The following SNTG2 variants were observed in gnomAD, a reference collection of about 807,000 sequenced individuals.
The protein encoded by SNTG2 is syntrophin gamma 2, also known as gamma-2-syntrophin.
In SNTG2, 74 loss-of-function variants were observed where a neutral mutation model predicts 70.9. The observed-to-expected ratio is 1.04, with a 90% CI of 0.86 to 1.27. The LOEUF is 1.27. Ranked by LOEUF, SNTG2 falls within the 50% of genes most tolerant of loss-of-function variation. SNTG2 has a pLI of 0.00. For synonymous variants in SNTG2, 278 were observed against 273.8 expected, an observed-to-expected ratio of 1.02 and a Z score of -0.15; for missense variants, 717 against 690.7, an observed-to-expected ratio of 1.04 and a Z score of -0.43.
At chr2:1,031,522 A>ATATATATATATATATATATATT (rs1379364116) in intron 1 of SNTG2, among the ~76,000 whole-genome samples, 1 of 47,768 alleles carries the variant, frequency 2.1e-5, no homozygotes, top group Non-Finnish European at 4.0e-5. Context: ...ATATATATAT[A>ATATATATATATATATATATATT]TATATATTTT....
chr2:1,171,806 G>A (rs1359057457), intron 7 of SNTG2, among the ~76,000 whole-genome samples: 1 of 152,112 alleles, frequency 6.6e-6, no homozygotes, highest in African/African-American at 2.4e-5. Context: ...TATACAGCTG[G>A]ACAAAGGGTA....
At chr2:1,064,205 C>T (rs1242206405) in intron 1 of SNTG2, among the ~76,000 whole-genome samples, 11 of 151,816 alleles carry the variant, frequency 7.2e-5, no homozygotes, top group Non-Finnish European at 1.5e-4. Context: ...CAACAATGAA[C>T]GTGTATTAGA....
intron 4 of SNTG2, among the ~76,000 whole-genome samples, chr2:1,109,827 T>A (rs1055921442): frequency 5.9e-5 from 9 of 152,190 alleles, no homozygotes; most frequent in Non-Finnish European, 1.2e-4. Flanking sequence ...GGGAGACAAA[T>A]GGGACAATTA....
At chr2:1,177,068 A>G (rs1182847728) in intron 8 of SNTG2, among the ~76,000 whole-genome samples, 1 of 152,222 alleles carries the variant, frequency 6.6e-6, no homozygotes, top group African/African-American at 2.4e-5. Context: ...TTGTAAACAC[A>G]TAGATCAACC....
chr2:1,309,886 C>T (rs970833088), intron 15 of SNTG2, among the ~76,000 whole-genome samples: 8 of 152,166 alleles, frequency 5.3e-5, no homozygotes, highest in African/African-American at 1.4e-4. Flanking sequence ...GTGTTCTTCC[C>T]GCTGTCCCTG....
chr2:1,134,992 G>A (rs1328459010), intron 4 of SNTG2, among the ~76,000 whole-genome samples: 4 of 152,118 alleles, frequency 2.6e-5, no homozygotes, highest in African/African-American at 7.2e-5. Flanking sequence ...TGAGACAGAC[G>A]CTGGGCTGCA....
intron 16 of SNTG2, among the ~76,000 whole-genome samples, chr2:1,365,427 A>C (rs28368212): frequency 0.72 from 109,801 of 152,146 alleles, 39,923 homozygotes; most frequent in East Asian, 0.94. Flanking sequence ...CTTAATTCAA[A>C]TTGGAATAAA....
chr2:1,204,759 T>TA (rs1673516974), intron 8 of SNTG2, among the ~76,000 whole-genome samples: 1 of 152,212 alleles, frequency 6.6e-6, no homozygotes, highest in South Asian at 2.1e-4. Flanking sequence ...TAAACTTTAT[T>TA]ATAAGTGTGT....
intron 1 of SNTG2, among the ~76,000 whole-genome samples, chr2:1,082,840 G>A (rs1039937116): frequency 6.6e-6 from 1 of 152,224 alleles, no homozygotes; most frequent in Non-Finnish European, 1.5e-5. Flanking sequence ...GTGTCTTTCT[G>A]AACTGTCTTT....
chr2:1,009,055 T>TAC (rs10651387), intron 1 of SNTG2, among the ~76,000 whole-genome samples: 71,076 of 151,962 alleles, frequency 0.47, 17,128 homozygotes, highest in Middle Eastern at 0.61. Flanking sequence ...AAATATTTTC[T>TAC]AGAGAAACTC....
chr2:1,244,200 A>G (rs1572849407), intron 11 of SNTG2, among the ~76,000 whole-genome samples: 1 of 152,342 alleles, frequency 6.6e-6, no homozygotes, highest in Non-Finnish European at 1.5e-5. Flanking sequence ...GTGAATTTTA[A>G]AGACTCTCAG....
intron 1 of SNTG2, among the ~76,000 whole-genome samples, chr2:986,652 G>A (rs564563152): frequency 1.3e-5 from 2 of 152,306 alleles, no homozygotes; most frequent in African/African-American, 4.8e-5. Flanking sequence ...GACTATCGGA[G>A]ATTCTGTGAA....
intron 1 of SNTG2, among the ~76,000 whole-genome samples, chr2:1,015,759 A>G (rs1659872703): frequency 6.6e-6 from 1 of 152,208 alleles, no homozygotes; most frequent in African/African-American, 2.4e-5. Context: ...GTCTATGAGG[A>G]TCAGTTCTCT....
intron 1 of SNTG2, among the ~76,000 whole-genome samples, chr2:1,027,002 G>A (rs570985505): frequency 5.1e-4 from 78 of 152,284 alleles, no homozygotes; most frequent in Admixed American, 2.9e-3. Context: ...AGCCTCCATC[G>A]TGCTACCCTT....
intron 1 of SNTG2, among the ~76,000 whole-genome samples, chr2:981,215 A>G (rs1007600921): frequency 3.3e-5 from 5 of 152,358 alleles, no homozygotes; most frequent in African/African-American, 9.6e-5. Context: ...ATATGTGAAC[A>G]AATAGCTGCC....
In SNTG2 at chr2:1,075,711, A is replaced by G. The variant is rs536391554; in HGVS notation, c.73-7807A>G. ...TGATAGATTACTTGTTGATGTCTTC[A>G]TTCTTTCTGTTTGTTGGATATGCTG... is the stretch of plus-strand genomic sequence containing the variant. On this transcript the variant is annotated intron_variant, in intron 1 of 16. Transcript: ENST00000308624. 1.0e-3 allele frequency among the ~76,000 whole-genome samples: 152 copies of G among 152,320 alleles called. 2 individuals are homozygous for G. The highest frequency in any genetic ancestry group is 6.8e-3 in the Middle Eastern group (2 of 294).
At chr2:1,164,816 G>A (rs547706792) in intron 6 of SNTG2, among the ~76,000 whole-genome samples, 135 of 151,728 alleles carry the variant, frequency 8.9e-4, no homozygotes, top group Middle Eastern at 3.4e-3. Flanking sequence ...AGGAGAGGGC[G>A]GGTGGGCTAT....
intron 16 of SNTG2, among the ~76,000 whole-genome samples, chr2:1,351,110 A>G (rs1236129172): frequency 6.6e-6 from 1 of 151,756 alleles, no homozygotes; most frequent in Non-Finnish European, 1.5e-5. Flanking sequence ...TTATACAAGC[A>G]GAAGAAAGCA....
intron 14 of SNTG2, among the ~76,000 whole-genome samples, chr2:1,274,872 G>A (rs1679206761): frequency 6.6e-6 from 1 of 152,284 alleles, no homozygotes; most frequent in Middle Eastern, 3.4e-3. Flanking sequence ...GAATAGCTGA[G>A]GCTAGGTAAT....
Sources: allele counts gnomAD v4.1 joint callset (sites outside exome capture counted in the v4.1 genomes callset), GRCh38; gene constraint gnomAD v4.1.1; transcripts MANE v1.5; gene names NCBI Gene and HGNC (gene_info 2026-07-23, HGNC 2026-07-21).